RHOU: variants seen among roughly 807,000 people sequenced by gnomAD.
The protein encoded by RHOU is rho-related GTP-binding protein RhoU.
Under a neutral mutation model 12.6 loss-of-function variants are expected in RHOU, and 8 were observed. That is an observed-to-expected ratio of 0.64 (90% CI 0.37 to 1.15). The LOEUF (loss-of-function observed/expected upper bound fraction) is 1.15. RHOU is among the 50% of genes most tolerant of loss of function. The pLI, the probability that RHOU is intolerant of heterozygous loss-of-function variation, is 0.01. For synonymous variants in RHOU, 161 were observed against 147.4 expected, an observed-to-expected ratio of 1.09 and a Z score of -0.67; for missense variants, 258 against 347.0, an observed-to-expected ratio of 0.74 and a Z score of 2.04.
At chr1:228,665,598 T>A in the RHOU span, among the ~76,000 whole-genome samples, 1 of 152,020 alleles carries the variant, frequency 6.6e-6, no homozygotes, top group African/African-American at 2.4e-5. Flanking sequence ...TATCTTTGAG[T>A]AGAGTGGGAT....
At chr1:228,676,461 C>A in the RHOU span, among the ~76,000 whole-genome samples, 6 of 152,068 alleles carry the variant, frequency 3.9e-5, no homozygotes, top group South Asian at 1.2e-3. Flanking sequence ...GAGTTTGAGA[C>A]CAGCCTGGTC....
the RHOU span, among the ~76,000 whole-genome samples, chr1:228,656,252 C>T: frequency 1.3e-5 from 2 of 152,178 alleles, no homozygotes; most frequent in African/African-American, 4.8e-5. Flanking sequence ...CTCCTGGCCT[C>T]AAGCAGTCCT....
chr1:228,715,816 T>C, the RHOU span, among the ~76,000 whole-genome samples: 1 of 124,780 alleles, frequency 8.0e-6, no homozygotes, highest in South Asian at 2.4e-4. Flanking sequence ...TGATTATTAT[T>C]TTATAATTGT....
At chr1:228,690,617 C>G in the RHOU span, among the ~76,000 whole-genome samples, 1 of 143,818 alleles carries the variant, frequency 7.0e-6, no homozygotes, top group Admixed American at 7.0e-5. Context: ...CCACCAGGCC[C>G]GGCTGTTTGG....
the RHOU span, among the ~76,000 whole-genome samples, chr1:228,700,098 C>T: frequency 6.6e-6 from 1 of 152,118 alleles, no homozygotes; most frequent in Non-Finnish European, 1.5e-5. Context: ...GTTTTAAGGA[C>T]TCAGGAAGAA....
Position 228,738,817 on chromosome 1 carries a change from G to A in RHOU, c.321+1086G>A, listed in dbSNP as rs754917405. The stretch of plus-strand genomic sequence containing the variant: ...AGCTTGGAAAAACCAAGCACTGTCC[G>A]TATTGTATTGTCTGTAGAAAACAAA... On this transcript the variant is annotated intron_variant, in intron 2 of 2. Transcript: ENST00000366691. The surrounding 1 kb of genome is among the most constrained non-coding windows in gnomAD (Gnocchi z 4.2). Among the ~76,000 whole-genome samples, 15 of 152,170 alleles carry A rather than the reference G, an allele frequency of 9.9e-5. No individual in the cohort carries two copies. The highest frequency in any genetic ancestry group is 1.6e-4 in the Non-Finnish European group (11 of 68,040).
chr1:228,727,071 T>C, the RHOU span, among the ~76,000 whole-genome samples: 1 of 152,218 alleles, frequency 6.6e-6, no homozygotes, highest in African/African-American at 2.4e-5. Context: ...ACAAGAATTG[T>C]CAACTCCTTG....
chr1:228,736,275 AAAAAAT>A (rs998306966), intron 1 of RHOU, among the ~76,000 whole-genome samples: 14 of 152,084 alleles, frequency 9.2e-5, no homozygotes, highest in South Asian at 2.1e-4. Context: ...AAAAAAAAAA[AAAAAAT>A]CTCACAATTT....
the RHOU span, among the ~76,000 whole-genome samples, chr1:228,708,240 T>A: frequency 6.6e-6 from 1 of 151,996 alleles, no homozygotes; most frequent in South Asian, 2.1e-4. Context: ...CTCTGCAGGG[T>A]ATTATCCAGG....
At position 228,744,992 on chromosome 1, in the gene RHOU, A is replaced by G. The variant is rs1034749345; in HGVS notation, c.*1252A>G. ...TTAAATCTAAACAAAAAATAAAATGAACATCTCTTGAAACCTGTTAAAACA... is the reference window on the plus strand; with the variant it reads ...TTAAATCTAAACAAAAAATAAAATGGACATCTCTTGAAACCTGTTAAAACA... On this transcript the variant is annotated 3_prime_UTR_variant, in exon 3 of 3. Coordinates refer to ENST00000366691, the MANE Select transcript of RHOU (RefSeq NM_021205.6). 9.2e-5 allele frequency: 14 copies of G among 152,326 alleles called. No individual in the cohort carries two copies. The highest frequency in any genetic ancestry group is 3.1e-4 in the African/African-American group (13 of 41,570). 9.4% of individuals were successfully genotyped at this position (152,326 alleles called of 1,614,324 possible).
In RHOU at chr1:228,735,690, C is replaced by A. The variant is rs1662588235; in HGVS notation, c.-53C>A. On this transcript the variant is annotated 5_prime_UTR_variant, in exon 1 of 3. Transcript: ENST00000366691. This position sits in a 1 kb window ranked among gnomAD's most constrained non-coding sequence, Gnocchi z 8.1. ...ACCGCAACCCTCCGGGGCGGAGGGGCGGTCGGGCCGGGCCCTGCTAGCCCG... is the reference window on the plus strand; with the variant it reads ...ACCGCAACCCTCCGGGGCGGAGGGGAGGTCGGGCCGGGCCCTGCTAGCCCG... The A allele has an allele frequency of 8.5e-7, 1 of 1,179,650 alleles. No individual in the cohort carries two copies. The highest frequency in any genetic ancestry group is 1.0e-6 in the Non-Finnish European group (1 of 953,606). 73.1% of individuals were successfully genotyped at this position (1,179,650 alleles called of 1,614,324 possible).
At chr1:228,678,463 G>A in the RHOU span, among the ~76,000 whole-genome samples, 4 of 152,280 alleles carry the variant, frequency 2.6e-5, no homozygotes, top group Non-Finnish European at 4.4e-5. Context: ...CAGTATAAAC[G>A]TTGCCCTGAG....
the RHOU span, among the ~76,000 whole-genome samples, chr1:228,706,226 G>T: frequency 6.6e-6 from 1 of 152,122 alleles, no homozygotes; most frequent in Non-Finnish European, 1.5e-5. Context: ...GGTCACTGGA[G>T]CCTCTACTTC....
chr1:228,722,464 G>A, the RHOU span, among the ~76,000 whole-genome samples: 1 of 151,982 alleles, frequency 6.6e-6, no homozygotes, highest in Admixed American at 6.6e-5. Context: ...TTCAATTGCC[G>A]GCCCAATATT....
chr1:228,742,243 A>G (rs1264924722), intron 2 of RHOU, among the ~76,000 whole-genome samples: 2 of 152,226 alleles, frequency 1.3e-5, no homozygotes, highest in Admixed American at 1.3e-4. Flanking sequence ...GCTACAGGGA[A>G]CTATAGGATG....
the RHOU span, among the ~76,000 whole-genome samples, chr1:228,715,744 C>T: frequency 6.6e-6 from 1 of 151,712 alleles, no homozygotes; most frequent in Non-Finnish European, 1.5e-5. Context: ...TGTCTTATTC[C>T]CAGGGGGAAT....
the RHOU span, chr1:228,650,488 G>A: frequency 5.5e-5 from 25 of 456,440 alleles, no homozygotes; most frequent in Non-Finnish European, 8.4e-5. Context: ...CATCCTGGTG[G>A]CCGTGATGGT....
the RHOU span, among the ~76,000 whole-genome samples, chr1:228,715,721 A>G: frequency 6.6e-6 from 1 of 152,000 alleles, no homozygotes; most frequent in African/African-American, 2.4e-5. Context: ...TCTTCATTTT[A>G]GTTCACTAGC....
rs981086644 is a variant in RHOU at position 228,746,409 on chromosome 1, CTGTT to C, written c.*2674_*2677del. ...TTTATAAATACAGCATACTTCAAAA[CTGTT>C]TGTTATCTCTTGTTACCATGTATGT... On this transcript the variant is annotated 3_prime_UTR_variant, in exon 3 of 3. Transcript: ENST00000366691. 1.1e-4 allele frequency: 17 copies of C among 152,172 alleles called. No homozygotes were observed. Among genetic ancestry groups the C allele is most frequent in the African/African-American group, 3.9e-4 (16 of 41,438 alleles). 9.4% of individuals were successfully genotyped at this position (152,172 alleles called of 1,614,324 possible).
Sources: allele counts gnomAD v4.1 joint callset (sites outside exome capture counted in the v4.1 genomes callset), GRCh38; gene constraint gnomAD v4.1.1; non-coding constraint Gnocchi (gnomAD v3.1); transcripts MANE v1.5; gene names NCBI Gene and HGNC (gene_info 2026-07-23, HGNC 2026-07-21).